The following TRABD2B variants were observed in gnomAD, a reference collection of about 807,000 sequenced individuals.
TRABD2B encodes the protein TraB domain containing 2B.
In TRABD2B, 14 loss-of-function variants were observed where a neutral mutation model predicts 40.1. That is an observed-to-expected ratio of 0.35 (90% confidence interval 0.23 to 0.55). The LOEUF (loss-of-function observed/expected upper bound fraction) is 0.55. TRABD2B is among the 20% of genes least tolerant of loss of function. The pLI is 0.90. For missense variants in TRABD2B, 541 were observed against 648.6 expected (o/e 0.83, Z 1.80); for synonymous variants, 263 against 277.0 (o/e 0.95, Z 0.50).
chr1:47,960,078 T>TAATCCACC (rs1253306723), intron 2 of TRABD2B, among the ~76,000 whole-genome samples: 1 of 152,200 alleles, frequency 6.6e-6, no homozygotes, highest in Non-Finnish European at 1.5e-5. Context: ...TCAATAAATG[T>TAATCCACC]AATCCACCAT....
intron 2 of TRABD2B, among the ~76,000 whole-genome samples, chr1:47,972,691 CTT>C (rs1645698737): frequency 6.6e-6 from 1 of 152,172 alleles, no homozygotes; most frequent in Non-Finnish European, 1.5e-5. Context: ...CAGTCTGGTA[CTT>C]TGTTACAGCA....
At chr1:47,903,469 TGAG>T (rs1644631065) in intron 2 of TRABD2B, among the ~76,000 whole-genome samples, 1 of 151,974 alleles carries the variant, frequency 6.6e-6, no homozygotes, top group Non-Finnish European at 1.5e-5. Context: ...AGGGGCTCCT[TGAG>T]GAGAAGGAGC....
At chr1:47,766,163 A>C (rs1458245033) in intron 6 of TRABD2B, 57 bp from the exon 7 acceptor site, 1 of 697,380 alleles carries the variant, frequency 1.4e-6, no homozygotes, top group Non-Finnish European at 2.6e-6. Context: ...CCTGGGCAGA[A>C]GCCTTGGGGC....
chr1:47,933,107 ATT>A (rs35311752), intron 2 of TRABD2B, among the ~76,000 whole-genome samples: 64,740 of 140,390 alleles, frequency 0.46, 15,618 homozygotes, highest in Middle Eastern at 0.63. Context: ...ATCTCCTGTC[ATT>A]TTTTTTTTTT....
intron 2 of TRABD2B, among the ~76,000 whole-genome samples, chr1:47,880,331 G>A (rs1335429288): frequency 6.6e-6 from 1 of 152,040 alleles, no homozygotes; most frequent in Admixed American, 6.6e-5. Context: ...CAAAAAAAAA[G>A]AGAAAGAAAA....
At chr1:47,942,154 G>T (rs968371433) in intron 2 of TRABD2B, among the ~76,000 whole-genome samples, 1 of 152,154 alleles carries the variant, frequency 6.6e-6, no homozygotes, top group Non-Finnish European at 1.5e-5. Flanking sequence ...ATTAGGTTCT[G>T]CCTTCCTCTT....
At chr1:47,775,636 G>A (rs1026937427) in intron 5 of TRABD2B, among the ~76,000 whole-genome samples, 197 bp from the exon 6 acceptor site, 1 of 152,214 alleles carries the variant, frequency 6.6e-6, no homozygotes, top group African/African-American at 2.4e-5. Context: ...GCCTTCATTT[G>A]TTTAGTCGAC....
intron 4 of TRABD2B, among the ~76,000 whole-genome samples, chr1:47,787,140 G>A (rs1644606960): frequency 6.6e-6 from 1 of 152,186 alleles, no homozygotes; most frequent in Non-Finnish European, 1.5e-5. Context: ...GTTGGTGTGG[G>A]TCTTGCCCTG....
At chr1:47,775,029 C>G (rs550884473) in intron 6 of TRABD2B, 141 bp downstream of exon 6, 1 of 690,308 alleles carries the variant, frequency 1.4e-6, no homozygotes, top group Admixed American at 4.3e-5. Context: ...CAGATGGGAA[C>G]GTGCTGTAGA....
intron 5 of TRABD2B, 75 bp downstream of exon 5, chr1:47,778,379 C>T: frequency 8.8e-7 from 1 of 1,137,990 alleles, no homozygotes; most frequent in African/African-American, 1.5e-5. Context: ...CCAGAAGCCT[C>T]TTCACAGCTC....
intron 2 of TRABD2B, among the ~76,000 whole-genome samples, chr1:47,961,365 A>G (rs918217143): frequency 6.6e-6 from 1 of 152,232 alleles, no homozygotes; most frequent in African/African-American, 2.4e-5. Flanking sequence ...GACCAATGGG[A>G]TCTAATTAAA....
chr1:47,804,171 C>T (rs1304018025), intron 2 of TRABD2B, among the ~76,000 whole-genome samples: 4 of 152,232 alleles, frequency 2.6e-5, no homozygotes, highest in Non-Finnish European at 4.4e-5. Flanking sequence ...GGTCAGCCCC[C>T]ACCACCCCCT....
chr1:47,780,471 G>GCTTA (rs1191076335), intron 4 of TRABD2B, among the ~76,000 whole-genome samples: 1 of 152,134 alleles, frequency 6.6e-6, no homozygotes, highest in Non-Finnish European at 1.5e-5. Flanking sequence ...GGGTAGTGAT[G>GCTTA]AAGAGGCAGG....
chr1:47,780,627 G>A (rs1172065918), intron 4 of TRABD2B, among the ~76,000 whole-genome samples: 1 of 152,196 alleles, frequency 6.6e-6, no homozygotes, highest in East Asian at 1.9e-4. Flanking sequence ...AGACTTCCTG[G>A]AGGGGGCACT....
chr1:47,936,469 T>C (rs894189019), intron 2 of TRABD2B, among the ~76,000 whole-genome samples: 3 of 152,090 alleles, frequency 2.0e-5, no homozygotes, highest in Non-Finnish European at 4.4e-5. Flanking sequence ...CTACCAAGCC[T>C]AGAGATGTCA....
intron 2 of TRABD2B, among the ~76,000 whole-genome samples, chr1:47,804,738 G>A (rs758202604): frequency 2.6e-5 from 4 of 152,162 alleles, no homozygotes; most frequent in Non-Finnish European, 4.4e-5. Flanking sequence ...AAAACTGAGA[G>A]GAAAATAGAC....
At chr1:47,938,786 C>T (rs1188767624) in intron 2 of TRABD2B, among the ~76,000 whole-genome samples, 1 of 152,106 alleles carries the variant, frequency 6.6e-6, no homozygotes, top group Non-Finnish European at 1.5e-5. Context: ...GTGCACACAG[C>T]CGGAGAGAAG....
At chr1:47,910,004 C>T (rs191042981) in intron 2 of TRABD2B, among the ~76,000 whole-genome samples, 2,091 of 151,608 alleles carry the variant, frequency 0.014, 26 homozygotes, top group Non-Finnish European at 0.021. Flanking sequence ...GGACTACAGG[C>T]ACGTGCCACC....
intron 2 of TRABD2B, among the ~76,000 whole-genome samples, chr1:47,882,716 T>C (rs1025095120): frequency 3.9e-5 from 6 of 152,066 alleles, no homozygotes; most frequent in African/African-American, 9.7e-5. Flanking sequence ...TAACATGCCA[T>C]GCAGCTCTGG....
Sources: gnomAD v4.1 joint callset for allele counts (sites outside exome capture counted in the v4.1 genomes callset) on GRCh38, gnomAD v4.1.1 for gene constraint, MANE v1.5 for transcripts, NCBI Gene and HGNC (gene_info 2026-07-23, HGNC 2026-07-21) for gene names.